The following RAP1GDS1 variants were observed in gnomAD, a reference collection of about 807,000 sequenced individuals.
RAP1GDS1 encodes RAP1, GTP-GDP dissociation stimulator 1.
In RAP1GDS1, 35 loss-of-function variants were observed where a neutral mutation model predicts 71.1. That is an observed-to-expected ratio of 0.49 (90% CI 0.38 to 0.65). The LOEUF is 0.65. RAP1GDS1 is among the 30% of genes least tolerant of loss of function. RAP1GDS1 has a pLI of 0.00. For synonymous variants in RAP1GDS1, 229 were observed against 243.1 expected, an observed-to-expected ratio of 0.94 and a Z score of 0.54; for missense variants, 663 against 706.1, an observed-to-expected ratio of 0.94 and a Z score of 0.69.
intron 4 of RAP1GDS1, among the ~76,000 whole-genome samples, chr4:98,373,896 T>A (rs1740773783): frequency 6.6e-6 from 1 of 152,144 alleles, no homozygotes; most frequent in Non-Finnish European, 1.5e-5. Flanking sequence ...GATCTGACAG[T>A]TACTTAAGTG....
intron 2 of RAP1GDS1, among the ~76,000 whole-genome samples, chr4:98,324,601 C>G (rs1376222907): frequency 1.4e-5 from 2 of 145,034 alleles, no homozygotes; most frequent in African/African-American, 5.4e-5. Flanking sequence ...GAACAGAGCC[C>G]TCAGAAATAA....
intron 6 of RAP1GDS1, among the ~76,000 whole-genome samples, chr4:98,395,422 G>A (rs1744382012): frequency 6.6e-6 from 1 of 152,158 alleles, no homozygotes; most frequent in Admixed American, 6.6e-5. Flanking sequence ...ATGTTTTAAA[G>A]TTTCCATAAT....
chr4:98,436,284 A>G (rs899309147), intron 13 of RAP1GDS1, among the ~76,000 whole-genome samples: 1 of 152,150 alleles, frequency 6.6e-6, no homozygotes, highest in Non-Finnish European at 1.5e-5. Flanking sequence ...TGCCTTTGAC[A>G]TAAGTGCCTA....
intron 4 of RAP1GDS1, among the ~76,000 whole-genome samples, chr4:98,355,827 A>T (rs1737883877): frequency 6.6e-6 from 1 of 152,120 alleles, no homozygotes; most frequent in Admixed American, 6.5e-5. Flanking sequence ...GAGGTAACAG[A>T]CTGGCATACC....
chr4:98,359,713 T>C (rs1287493859), intron 4 of RAP1GDS1, among the ~76,000 whole-genome samples: 1 of 152,222 alleles, frequency 6.6e-6, no homozygotes, highest in Admixed American at 6.5e-5. Context: ...GACTTTGATA[T>C]GTGGACAGGA....
intron 1 of RAP1GDS1, among the ~76,000 whole-genome samples, chr4:98,267,519 A>G (rs1722863108): frequency 6.6e-6 from 1 of 152,054 alleles, no homozygotes; most frequent in African/African-American, 2.4e-5. Context: ...AGTAGTCCCC[A>G]GTATCTGTTG....
In RAP1GDS1 at chr4:98,379,218, TTACTA is replaced by T. The variant is rs1473221402; in HGVS notation, c.508+58_508+62del. 3.6e-5 allele frequency: 53 copies of T among 1,458,270 alleles called. No individual in the cohort carries two copies. The African/African-American group carries it at 4.8e-4, about 13-fold the overall frequency. 90.3% of individuals were successfully genotyped at this position (1,458,270 alleles called of 1,614,324 possible). A position where few individuals can be genotyped will look rare whatever the true frequency, so the allele number is the denominator to read the frequency against. On this transcript the variant is annotated intron_variant, in intron 5 of 14. Transcript: ENST00000408927. ...CTGGGGGAAAAATTAAAAATTATCT[TTACTA>T]TAGTGCAAAACAAAAATATTTGAAA...
chr4:98,292,771 T>G (rs1271619033), intron 1 of RAP1GDS1, among the ~76,000 whole-genome samples: 2 of 152,186 alleles, frequency 1.3e-5, no homozygotes, highest in Non-Finnish European at 2.9e-5. Context: ...AAAAGCTCTT[T>G]GGGATTCTCA....
chr4:98,441,102 T>C (rs1362419000), intron 14 of RAP1GDS1, among the ~76,000 whole-genome samples: 1 of 152,234 alleles, frequency 6.6e-6, no homozygotes, highest in Non-Finnish European at 1.5e-5. Flanking sequence ...TTTTCAAGAT[T>C]GTTTTGGAGA....
At position 98,435,108 on chromosome 4, in the gene RAP1GDS1, C is replaced by T. The variant is rs571819833; in HGVS notation, c.1567+1046C>T. ...GCTTAACACAAAGGAGGACTTTACACTTAGTAGGGATGTCCTATCCAATTC... is the reference window on the plus strand; with the variant it reads ...GCTTAACACAAAGGAGGACTTTACATTTAGTAGGGATGTCCTATCCAATTC... On this transcript the variant is annotated intron_variant, in intron 13 of 14. Transcript: ENST00000408927. Among the ~76,000 whole-genome samples the T allele has an allele frequency of 4.8e-4, 73 of 152,296 alleles. 1 individual carries two copies. In the South Asian group the frequency reaches 0.014, roughly 29 times the overall value.
At chr4:98,336,528 T>A (rs893544780) in intron 2 of RAP1GDS1, among the ~76,000 whole-genome samples, 1 of 152,182 alleles carries the variant, frequency 6.6e-6, no homozygotes, top group Non-Finnish European at 1.5e-5. Flanking sequence ...ACAACTTAGT[T>A]TTTTAGTGAG....
chr4:98,310,671 G>A (rs898439626), intron 2 of RAP1GDS1, among the ~76,000 whole-genome samples: 1 of 151,948 alleles, frequency 6.6e-6, no homozygotes, highest in African/African-American at 2.4e-5. Flanking sequence ...GATGTTCTTG[G>A]ATCATGTACC....
At chr4:98,338,278 T>G (rs1057113679) in intron 2 of RAP1GDS1, among the ~76,000 whole-genome samples, 2 of 152,098 alleles carry the variant, frequency 1.3e-5, no homozygotes, top group African/African-American at 4.8e-5. Flanking sequence ...CCAAAATGAA[T>G]TTAAAGGAAA....
At chr4:98,273,524 T>G (rs1723786492) in intron 1 of RAP1GDS1, among the ~76,000 whole-genome samples, 1 of 152,164 alleles carries the variant, frequency 6.6e-6, no homozygotes, top group Admixed American at 6.5e-5. Flanking sequence ...ATTTTTTATT[T>G]TAAAGTTCTT....
Position 98,416,765 on chromosome 4 carries a change from G to A in RAP1GDS1, c.784G>A (p.Val262Ile), listed in dbSNP as rs765608907. 6 of 1,606,134 alleles carry A rather than the reference G, an allele frequency of 3.7e-6. No homozygotes were observed. The highest frequency in any genetic ancestry group is 5.1e-6 in the Non-Finnish European group (6 of 1,173,566). Residue 262 changes from valine to isoleucine, a missense_variant, in exon 8 of 15, where the codon GTT becomes ATT. Physicochemically the swap from Val to Ile is conservative, Grantham distance 29. Transcript: ENST00000408927. ...TTTAGATGCTATTAAACTACAGCTG[G>A]TTGAAGCAGGCCTAGTAGAGTGTCT... ...AENDAIKLQL[V>I]EAGLVECLLE... is the part of the protein sequence containing the mutation.
Position 98,442,439 on chromosome 4 carries a change from C to T in RAP1GDS1, c.*322C>T. The T allele has an allele frequency of 3.9e-6, 1 of 253,760 alleles. No homozygotes were observed. Among genetic ancestry groups the T allele is most frequent in the African/African-American group, 2.2e-5 (1 of 46,176 alleles). The allele number at this position is 253,760 out of a possible 1,614,324, so 15.7% of individuals were successfully genotyped here. On this transcript the variant is annotated 3_prime_UTR_variant, in exon 15 of 15. Transcript: ENST00000408927. ...TACATAATGACTTGCTCCACACATG[C>T]AGTAAACTACATAATGATGTACTGG...
chr4:98,401,444 G>C (rs181544393), intron 6 of RAP1GDS1, among the ~76,000 whole-genome samples: 1 of 152,108 alleles, frequency 6.6e-6, no homozygotes. Flanking sequence ...GTAGAAATTT[G>C]ATCAGAAATG....
At chr4:98,373,207 C>G (rs999865606) in intron 4 of RAP1GDS1, among the ~76,000 whole-genome samples, 5 of 152,246 alleles carry the variant, frequency 3.3e-5, no homozygotes, top group South Asian at 2.1e-4. Context: ...CTTAACCTTA[C>G]TTACTGGAAG....
chr4:98,299,250 T>C (rs1388406209), intron 2 of RAP1GDS1, among the ~76,000 whole-genome samples: 2 of 152,254 alleles, frequency 1.3e-5, no homozygotes, highest in African/African-American at 2.4e-5. Context: ...TCCTTTTTTA[T>C]GTCTGCATAG....
Sources: gnomAD v4.1 joint callset for allele counts (sites outside exome capture counted in the v4.1 genomes callset) on GRCh38, gnomAD v4.1.1 for gene constraint, MANE v1.5 for transcripts, NCBI Gene and HGNC (gene_info 2026-07-23, HGNC 2026-07-21) for gene names.